The following STRN4 variants were observed in gnomAD, a reference collection of about 807,000 sequenced individuals.
STRN4 encodes the protein striatin-4.
In STRN4, 27 loss-of-function variants were observed where a neutral mutation model predicts 77.9. That is an observed-to-expected ratio of 0.35 (90% CI 0.26 to 0.48). The LOEUF is 0.48. STRN4 is among the 20% of genes least tolerant of loss of function. The probability of loss-of-function intolerance (pLI) is 0.99; values close to 1 mark genes in which losing one functional copy is unlikely to be tolerated. For missense variants in STRN4, 798 were observed against 1,049.7 expected (o/e 0.76, Z 3.31); for synonymous variants, 466 against 443.1 (o/e 1.05, Z -0.65).
At chr19:46,743,934 T>C (rs890234576) in intron 1 of STRN4, among the ~76,000 whole-genome samples, 4 of 151,386 alleles carry the variant, frequency 2.6e-5, no homozygotes, top group African/African-American at 9.7e-5. Flanking sequence ...AATAAATAAA[T>C]AAATAAATAA....
intron 16 of STRN4, chr19:46,721,043 C>G: frequency 2.8e-6 from 1 of 361,602 alleles, no homozygotes; most frequent in East Asian, 4.3e-5. Flanking sequence ...ACAGGCAACT[C>G]TCCCTGCCCC....
At position 46,725,596 on chromosome 19, in the gene STRN4, AG is replaced by A; in HGVS notation, c.1300del (p.Leu434CysfsTer46). On this transcript the variant is annotated frameshift_variant, in exon 10 of 18. Transcript: ENST00000263280. LOFTEE classifies it high-confidence loss of function. ...ACGAATGCCGTCGTAGTGCGAGCGC[AG>A]GGTGAACTTGGGGTTCCACGTCTTC... ...FKKTWNPKFT[L>X]RSHYDGIRSL... 1 of 1,614,210 alleles carries A rather than the reference AG, an allele frequency of 6.2e-7. No homozygotes were observed. The highest frequency in any genetic ancestry group is 8.5e-7 in the Non-Finnish European group (1 of 1,180,036).
chr19:46,727,651 A>AAG (rs1191102414), intron 8 of STRN4, 105 bp from the exon 9 acceptor site: 5 of 964,482 alleles, frequency 5.2e-6, no homozygotes, highest in Non-Finnish European at 8.1e-6. Context: ...GATAAAGAGC[A>AAG]AGAGAGAGAG....
intron 4 of STRN4, among the ~76,000 whole-genome samples, chr19:46,735,694 G>A (rs2054344776): frequency 6.6e-6 from 1 of 152,206 alleles, no homozygotes; most frequent in African/African-American, 2.4e-5. Context: ...GCTGGGCGCG[G>A]TGGCTCACAC....
At chr19:46,731,786 T>A (rs1281246704) in intron 5 of STRN4, 3 of 152,616 alleles carry the variant, frequency 2.0e-5, no homozygotes. Context: ...CCCTCCAGCC[T>A]CTAAGTGGGA....
chr19:46,719,694 T>C lies in STRN4; in HGVS notation c.*711A>G, dbSNP rs1440498157. On this transcript the variant is annotated 3_prime_UTR_variant, in exon 18 of 18. Transcript: ENST00000263280. ...ACTGACTGAGACCATCACACAGTGA[T>C]AATGCGGGTGGGGCGGCGCCATGAA... is the stretch of plus-strand genomic sequence containing the variant. The C allele has an allele frequency of 6.6e-6, 1 of 151,470 alleles. No individual in the cohort carries two copies. The highest frequency in any genetic ancestry group is 2.4e-5 in the African/African-American group (1 of 40,928). 9.4% of individuals were successfully genotyped at this position (151,470 alleles called of 1,614,324 possible).
intron 1 of STRN4, among the ~76,000 whole-genome samples, chr19:46,742,561 T>G (rs2054492958): frequency 6.6e-6 from 1 of 152,076 alleles, no homozygotes; most frequent in African/African-American, 2.4e-5. Flanking sequence ...ACTGTTTCTT[T>G]TTTTATTTTT....
chr19:46,722,007 C>T lies in STRN4; in HGVS notation c.2071G>A (p.Gly691Ser), dbSNP rs1050570937. The change falls in exon 16 of 18, where the codon GGC becomes AGC. Residue 691 changes from glycine to serine, a missense_variant. Gly to Ser is a moderately conservative substitution (Grantham distance 56, BLOSUM62 0). Coordinates refer to ENST00000263280, the MANE Select transcript of STRN4 (RefSeq NM_013403.3). ...AVTCLAVDPN[G>S]AFLMSGSHDC... ...TTACTTCCTGACATCAGGAATGCGC[C>T]GTTGGGGTCCACGGCTAGGCAGGTG... 2 of 1,613,806 alleles carry T rather than the reference C, an allele frequency of 1.2e-6. No individual in the cohort carries two copies. Among genetic ancestry groups the T allele is most frequent in the Non-Finnish European group, 1.7e-6 (2 of 1,180,026 alleles).
intron 3 of STRN4, among the ~76,000 whole-genome samples, chr19:46,737,763 G>C (rs2054398006): frequency 6.6e-6 from 1 of 152,176 alleles, no homozygotes; most frequent in Non-Finnish European, 1.5e-5. Flanking sequence ...TACAAAGCCT[G>C]TACCCTACAA....
chr19:46,722,881 G>C lies in STRN4; in HGVS notation c.1835C>G (p.Ser612Cys), dbSNP rs147409991. 1 of 1,614,030 alleles carries C rather than the reference G, an allele frequency of 6.2e-7. No individual in the cohort carries two copies. The highest frequency in any genetic ancestry group is 8.5e-7 in the Non-Finnish European group (1 of 1,180,048). ...CATGTCATACAAGACGGTGTCGCCA[G>C]AGCGGAAGGAGGCCACGATGTGGGC... The part of the protein sequence containing the change: ...EPAHIVASFR[S>C]GDTVLYDMEV... Residue 612 changes from serine (S) to cysteine (C), a missense_variant, in exon 14 of 18, where the codon TCT becomes TGT. By Grantham distance (112) the Ser-to-Cys change is moderately radical. Transcript: ENST00000263280.
Position 46,725,570 on chromosome 19 carries a change from A to C in STRN4, c.1327T>G (p.Ser443Ala). 1 of 1,614,192 alleles carries C rather than the reference A, an allele frequency of 6.2e-7. No homozygotes were observed. The highest frequency in any genetic ancestry group is 8.5e-7 in the Non-Finnish European group (1 of 1,180,034). Residue 443 changes from serine (S) to alanine (A), a missense_variant, in exon 10 of 18, where the codon TCC (serine) becomes GCC (alanine). This residue lies in a region of STRN4 where 287 missense variants were observed against 473.8 expected (regional missense o/e 0.61). Transcript: ENST00000263280. ...GACTGGCTGTGGTGGAAGGCCAGGG[A>C]ACGAATGCCGTCGTAGTGCGAGCGC... ...TLRSHYDGIR[S>A]LAFHHSQSAL...
chr19:46,745,337 T>C (rs1043042511), intron 1 of STRN4, among the ~76,000 whole-genome samples: 1 of 152,090 alleles, frequency 6.6e-6, no homozygotes, highest in African/African-American at 2.4e-5. Context: ...CCCTGCTCTG[T>C]CCACACTTCC....
In STRN4 at chr19:46,730,893, AGAG is replaced by A; in HGVS notation, c.738-23_738-21del. 6.2e-7 allele frequency: 1 copy of A among 1,608,472 alleles called. No homozygotes were observed. Among genetic ancestry groups the A allele is most frequent in the Admixed American group, 1.7e-5 (1 of 60,014 alleles). On this transcript the variant is annotated intron_variant, in intron 5 of 17. Coordinates refer to ENST00000263280, the MANE Select transcript of STRN4 (RefSeq NM_013403.3). ...GCGTTCCTGCCAAAGACAGCAGAGC[AGAG>A]GAGGCATGAGTCCTGGCAGGTGTCA...
intron 6 of STRN4, among the ~76,000 whole-genome samples, chr19:46,729,996 A>C (rs956706077): frequency 1.8e-4 from 27 of 152,180 alleles, no homozygotes; most frequent in Admixed American, 8.5e-4. Context: ...GCCCTACCCA[A>C]CCAGCCAGCC....
intron 15 of STRN4, 43 bp from the exon 16 acceptor site, chr19:46,722,115 G>A (rs746886776): frequency 1.4e-5 from 22 of 1,609,614 alleles, no homozygotes; most frequent in Non-Finnish European, 1.8e-5. Flanking sequence ...TCCCACTCTG[G>A]GCCTCGCCTG....
intron 7 of STRN4, 58 bp from the exon 8 acceptor site, chr19:46,728,065 A>AGGT: frequency 6.7e-7 from 1 of 1,496,400 alleles, no homozygotes; most frequent in East Asian, 2.3e-5. Flanking sequence ...AGTCTGGCAT[A>AGGT]GGTGACGCCT....
chr19:46,728,923 G>T, intron 6 of STRN4, 146 bp from the exon 7 acceptor site: 2 of 1,213,118 alleles, frequency 1.6e-6, no homozygotes, highest in Non-Finnish European at 2.3e-6. Context: ...GCCCTGGAGC[G>T]CCCCCTGCTG....
rs748071879 is a variant in STRN4, at chr19:46,733,013, C to T, written c.737+26G>A. On this transcript the variant is annotated intron_variant, in intron 5 of 17. Coordinates refer to ENST00000263280, the MANE Select transcript of STRN4 (RefSeq NM_013403.3). The surrounding 1 kb of genome is among the most constrained non-coding windows in gnomAD (Gnocchi z 4.3). ...CCAGCAGTCAGGAGGAACAGAGAGA[C>T]ACACCTGCCATGTCCACGGGCTCAC... 6.9e-6 allele frequency: 11 copies of T among 1,591,702 alleles called. No homozygotes were observed. In the South Asian group the frequency reaches 8.9e-5, roughly 13 times the overall value.
intron 14 of STRN4, 113 bp from the exon 15 acceptor site, chr19:46,722,453 AG>A: frequency 1.7e-6 from 2 of 1,172,154 alleles, no homozygotes; most frequent in Non-Finnish European, 1.2e-6. Flanking sequence ...CTGGATGTCG[AG>A]GGGGGCTGGG....
Sources: allele counts gnomAD v4.1 joint callset (sites outside exome capture counted in the v4.1 genomes callset), GRCh38; gene constraint gnomAD v4.1.1; regional missense constraint gnomAD v4.1.1; non-coding constraint Gnocchi (gnomAD v3.1); transcripts MANE v1.5; gene names NCBI Gene and HGNC (gene_info 2026-07-23, HGNC 2026-07-21).